Variants in MRPS27 observed in about 807,000 individuals in gnomAD.
The protein encoded by MRPS27 is mitochondrial ribosomal protein S27, also known as small ribosomal subunit protein mS27.
MRPS27 carries 43 observed loss-of-function variants against 48.9 expected under a neutral mutation model. The observed-to-expected ratio is 0.88, with a 90% CI of 0.69 to 1.13. The LOEUF (loss-of-function observed/expected upper bound fraction) is 1.13, where lower values mean the gene tolerates loss of function less well. Ranked by LOEUF, MRPS27 falls within the 50% of genes most tolerant of loss-of-function variation. The pLI is 0.00. For synonymous variants in MRPS27, 188 were observed against 171.9 expected (o/e 1.09, Z -0.73); for missense variants, 467 against 476.3 (o/e 0.98, Z 0.18).
At chr5:72,290,106 T>A (rs1484558090) in intron 4 of MRPS27, among the ~76,000 whole-genome samples, 1 of 152,160 alleles carries the variant, frequency 6.6e-6, no homozygotes, top group East Asian at 1.9e-4. Context: ...ACCAGTAACA[T>A]GCTGTTTTAT....
At chr5:72,259,135 T>A (rs1412358544) in intron 4 of MRPS27, among the ~76,000 whole-genome samples, 4 of 152,104 alleles carry the variant, frequency 2.6e-5, no homozygotes, top group Admixed American at 2.0e-4. Flanking sequence ...TACTACCAGA[T>A]CTCCTAAATA....
chr5:72,226,016 C>CA (rs756725176), intron 9 of MRPS27, 41 bp downstream of exon 9: 1 of 1,580,078 alleles, frequency 6.3e-7, no homozygotes, highest in Non-Finnish European at 8.7e-7. Context: ...TTATGGGAAA[C>CA]AGATGGCTAA....
chr5:72,312,905 A>C (rs1323120365), intron 2 of MRPS27, among the ~76,000 whole-genome samples: 1 of 152,210 alleles, frequency 6.6e-6, no homozygotes, highest in African/African-American at 2.4e-5. Context: ...GGTGTGAGCC[A>C]CCACACCCAG....
chr5:72,319,915 C>T (rs552773479), intron 1 of MRPS27: 3 of 551,624 alleles, frequency 5.4e-6, no homozygotes, highest in Middle Eastern at 4.0e-4. Context: ...ACGCAAATTC[C>T]CTCATGCTAT....
chr5:72,317,739 G>T (rs1233675396), intron 1 of MRPS27, among the ~76,000 whole-genome samples: 1 of 152,140 alleles, frequency 6.6e-6, no homozygotes, highest in Non-Finnish European at 1.5e-5. Context: ...CCAGGCTGGA[G>T]TGTAGTGGCA....
chr5:72,276,030 T>TC (rs1554059647), intron 4 of MRPS27, among the ~76,000 whole-genome samples: 8 of 150,620 alleles, frequency 5.3e-5, no homozygotes, highest in Admixed American at 6.6e-5. Context: ...TGTGTGTGTG[T>TC]GGGGGGGGTA....
chr5:72,268,490 T>G (rs1749154654), intron 4 of MRPS27, among the ~76,000 whole-genome samples: 1 of 152,226 alleles, frequency 6.6e-6, no homozygotes, highest in South Asian at 2.1e-4. Context: ...CATACCAGTA[T>G]AATTCTGTGA....
At chr5:72,297,565 C>A in intron 3 of MRPS27, 67 bp downstream of exon 3, 1 of 979,898 alleles carries the variant, frequency 1.0e-6, no homozygotes, top group Non-Finnish European at 1.6e-6. Context: ...ACAGCCTCAT[C>A]TACATGAAGG....
Position 72,221,128 on chromosome 5 carries a change from T to C in MRPS27, c.1026A>G (p.Gln342=). The part of the protein sequence containing the change: ...ERFKALHSKL[Q]ALGKIESEGL... Reference sequence around the variant, plus strand: ...CTTCTGACTCAATTTTGCCCAGAGCTTGAAGCTTAGAATGTAAGGCCTGTT... The same window carrying C: ...CTTCTGACTCAATTTTGCCCAGAGCCTGAAGCTTAGAATGTAAGGCCTGTT... The change falls in exon 11 of 11, where the codon CAA becomes CAG. Residue 342 remains glutamine, a synonymous_variant. Transcript: ENST00000261413. 6.2e-7 allele frequency: 1 copy of C among 1,614,076 alleles called. No individual in the cohort carries two copies. Among genetic ancestry groups the C allele is most frequent in the South Asian group, 1.1e-5 (1 of 91,084 alleles).
At chr5:72,317,419 G>T (rs1211953045) in intron 1 of MRPS27, among the ~76,000 whole-genome samples, 1 of 152,206 alleles carries the variant, frequency 6.6e-6, no homozygotes, top group Non-Finnish European at 1.5e-5. Flanking sequence ...TTGTTGCCCA[G>T]GCTGGAGTGC....
At chr5:72,319,904 T>A in intron 1 of MRPS27, 1 of 525,222 alleles carries the variant, frequency 1.9e-6, no homozygotes, top group South Asian at 2.4e-5. Flanking sequence ...TGGCGAATCA[T>A]ACGCAAATTC....
At chr5:72,277,618 A>G (rs1219079230) in intron 4 of MRPS27, among the ~76,000 whole-genome samples, 1 of 151,108 alleles carries the variant, frequency 6.6e-6, no homozygotes, top group East Asian at 1.9e-4. Context: ...AAAAGAAAAG[A>G]AAAAAAAAGA....
intron 8 of MRPS27, chr5:72,227,566 G>A (rs943374453): frequency 6.6e-6 from 1 of 152,168 alleles, no homozygotes; most frequent in African/African-American, 2.4e-5. Context: ...CTTAAGAGAC[G>A]ATGGGAGAGT....
chr5:72,290,765 G>A (rs1172636253), intron 4 of MRPS27, among the ~76,000 whole-genome samples: 1 of 152,160 alleles, frequency 6.6e-6, no homozygotes, highest in African/African-American at 2.4e-5. Context: ...TTGCCTAACT[G>A]TTTTTAAAAT....
chr5:72,242,661 C>T (rs1475708137), intron 4 of MRPS27, among the ~76,000 whole-genome samples: 7 of 120,782 alleles, frequency 5.8e-5, no homozygotes, highest in South Asian at 3.0e-4. Context: ...AGCGAGACCC[C>T]GTCTACACAC....
chr5:72,278,316 G>A (rs190846425), intron 4 of MRPS27, among the ~76,000 whole-genome samples: 28 of 151,864 alleles, frequency 1.8e-4, no homozygotes, highest in Admixed American at 1.6e-3. Flanking sequence ...GGTGGCGAGC[G>A]CCTCTAGTCC....
intron 2 of MRPS27, among the ~76,000 whole-genome samples, chr5:72,308,357 G>T (rs985672799): frequency 3.3e-4 from 51 of 152,372 alleles, no homozygotes; most frequent in Non-Finnish European, 4.3e-4. Flanking sequence ...AGTGTCCCTT[G>T]CTGCCTCGAT....
chr5:72,280,509 C>T (rs915367876), intron 4 of MRPS27, among the ~76,000 whole-genome samples: 3 of 152,264 alleles, frequency 2.0e-5, no homozygotes, highest in Admixed American at 6.5e-5. Flanking sequence ...CAAGGCTGCA[C>T]AGCAGCCCAG....
intron 2 of MRPS27, among the ~76,000 whole-genome samples, chr5:72,299,241 A>G (rs906248458): frequency 1.1e-4 from 16 of 151,960 alleles, no homozygotes; most frequent in Non-Finnish European, 2.2e-4. Flanking sequence ...AAACCTGCAC[A>G]TGTACTCCCT....
Sources: gnomAD v4.1 joint callset for allele counts (sites outside exome capture counted in the v4.1 genomes callset) on GRCh38, gnomAD v4.1.1 for gene constraint, MANE v1.5 for transcripts, NCBI Gene and HGNC (gene_info 2026-07-23, HGNC 2026-07-21) for gene names.